The following SYN3 variants were observed in gnomAD, a reference collection of about 807,000 sequenced individuals.
The protein encoded by SYN3 is synapsin-3.
A neutral mutation model predicts 65.8 loss-of-function variants in SYN3; 35 were observed. The observed-to-expected ratio is 0.53, with a 90% CI of 0.41 to 0.70. The LOEUF (loss-of-function observed/expected upper bound fraction) is 0.70. Among genes scored for constraint, SYN3 ranks in the 30% least tolerant of loss-of-function variants. The pLI is 0.00. For synonymous variants in SYN3, 270 were observed against 292.9 expected (o/e 0.92, Z 0.80); for missense variants, 680 against 749.0 (o/e 0.91, Z 1.08).
intron 6 of SYN3, among the ~76,000 whole-genome samples, chr22:32,843,960 T>C (rs2047987954): frequency 6.6e-6 from 1 of 152,122 alleles, no homozygotes; most frequent in Non-Finnish European, 1.5e-5. Flanking sequence ...CGGTGGTATC[T>C]CACCTGCTAG....
At chr22:32,719,291 T>G (rs1450506544) in intron 6 of SYN3, among the ~76,000 whole-genome samples, 6 of 152,242 alleles carry the variant, frequency 3.9e-5, no homozygotes, top group Non-Finnish European at 1.5e-5. Flanking sequence ...CAGTTAGTAT[T>G]AAATATTATA....
intron 7 of SYN3, among the ~76,000 whole-genome samples, chr22:32,551,276 T>C (rs1164201358): frequency 2.6e-5 from 4 of 152,166 alleles, no homozygotes; most frequent in Non-Finnish European, 4.4e-5. Flanking sequence ...AGGACCACTC[T>C]TGACATCTCA....
rs1231243317 is a variant in SYN3, at chr22:32,509,638, G to A, written c.*4054C>T. ...GGCTGGAGTGCAGTGGTGCGATCTCGGCTCACTGCAAGCTCCGCCTCCCGG... is the reference window on the plus strand; with the variant it reads ...GGCTGGAGTGCAGTGGTGCGATCTCAGCTCACTGCAAGCTCCGCCTCCCGG... On this transcript the variant is annotated 3_prime_UTR_variant, in exon 14 of 14. Coordinates refer to ENST00000358763, the MANE Select transcript of SYN3 (RefSeq NM_003490.4). Among the ~76,000 whole-genome samples the A allele has an allele frequency of 2.0e-5, 3 of 151,850 alleles. No homozygotes were observed. The highest frequency in any genetic ancestry group is 2.4e-5 in the African/African-American group (1 of 41,344).
At chr22:32,542,667 G>A (rs917742374) in intron 7 of SYN3, among the ~76,000 whole-genome samples, 1 of 150,836 alleles carries the variant, frequency 6.6e-6, no homozygotes, top group Admixed American at 6.6e-5. Context: ...CGCGCACACA[G>A]GCACACACTG....
At chr22:32,784,842 A>G (rs2046152716) in intron 6 of SYN3, 1 of 152,112 alleles carries the variant, frequency 6.6e-6, no homozygotes, top group Non-Finnish European at 1.5e-5. Context: ...AATGTTGCTG[A>G]TTTTCTAATG....
chr22:32,524,749 G>T (rs2146114154), intron 12 of SYN3, among the ~76,000 whole-genome samples: 1 of 152,322 alleles, frequency 6.6e-6, no homozygotes, highest in Non-Finnish European at 1.5e-5. Context: ...AGTGGCTCAT[G>T]CCTGTAATCC....
At chr22:32,649,687 C>A (rs2060034055) in intron 6 of SYN3, among the ~76,000 whole-genome samples, 1 of 152,118 alleles carries the variant, frequency 6.6e-6, no homozygotes, top group South Asian at 2.1e-4. Flanking sequence ...CCACAAGAGC[C>A]AACATCATAA....
intron 7 of SYN3, among the ~76,000 whole-genome samples, chr22:32,573,182 G>C (rs1224736288): frequency 6.6e-6 from 1 of 152,144 alleles, no homozygotes; most frequent in African/African-American, 2.4e-5. Flanking sequence ...GACAGTTTAT[G>C]ACTGTTTTCA....
intron 6 of SYN3, among the ~76,000 whole-genome samples, chr22:32,677,108 A>G (rs2060456613): frequency 6.6e-6 from 1 of 152,206 alleles, no homozygotes; most frequent in African/African-American, 2.4e-5. Context: ...TGCTAGACTC[A>G]GGGGCTTCAG....
chr22:32,572,414 T>C (rs1264241570), intron 7 of SYN3, among the ~76,000 whole-genome samples: 19 of 3,348 alleles, frequency 5.7e-3, no homozygotes, highest in Non-Finnish European at 8.7e-3. Context: ...CTCCTGTCTT[T>C]CCTTCCTTCT....
intron 6 of SYN3, among the ~76,000 whole-genome samples, chr22:32,763,150 TGTTG>T (rs1569205329): frequency 6.6e-6 from 1 of 151,812 alleles, no homozygotes; most frequent in Non-Finnish European, 1.5e-5. Flanking sequence ...TTTTTGTTGT[TGTTG>T]TTTTTTTTTT....
At chr22:32,791,845 G>A (rs1421902918) in intron 6 of SYN3, among the ~76,000 whole-genome samples, 2 of 151,942 alleles carry the variant, frequency 1.3e-5, no homozygotes, top group East Asian at 3.9e-4. Context: ...TACCCAGTAG[G>A]CACTCTATAG....
chr22:32,594,004 G>C (rs2858724), intron 7 of SYN3, among the ~76,000 whole-genome samples: 1 of 152,118 alleles, frequency 6.6e-6, no homozygotes, highest in Non-Finnish European at 1.5e-5. Flanking sequence ...ATGATAGAGA[G>C]AGGTGGATTC....
At chr22:32,990,391 T>TCCATCCACCCATCCAG (rs1556093191) in intron 2 of SYN3, among the ~76,000 whole-genome samples, 258 of 128,542 alleles carry the variant, frequency 2.0e-3, no homozygotes, top group Middle Eastern at 3.6e-3. Context: ...CATCCACCCA[T>TCCATCCACCCATCCAG]CCATCCATCC....
intron 6 of SYN3, among the ~76,000 whole-genome samples, chr22:32,852,766 T>G (rs530647187): frequency 3.7e-4 from 57 of 152,006 alleles, no homozygotes; most frequent in Non-Finnish European, 6.3e-4. Flanking sequence ...AGCAGGGTGT[T>G]AGAATGTTGA....
At chr22:32,913,892 G>A (rs2050123418) in intron 4 of SYN3, among the ~76,000 whole-genome samples, 1 of 152,188 alleles carries the variant, frequency 6.6e-6, no homozygotes, top group African/African-American at 2.4e-5. Context: ...AACGGGAGAG[G>A]CAAAACAAGC....
chr22:32,796,743 G>A (rs539534987), intron 6 of SYN3, among the ~76,000 whole-genome samples: 1 of 152,200 alleles, frequency 6.6e-6, no homozygotes, highest in Admixed American at 6.5e-5. Flanking sequence ...AGGGGAAGAG[G>A]GAGGAAAGCA....
chr22:32,567,108 T>C (rs1486931177), intron 7 of SYN3, among the ~76,000 whole-genome samples: 2 of 152,056 alleles, frequency 1.3e-5, no homozygotes, highest in African/African-American at 2.4e-5. Context: ...CTGGGAAAGG[T>C]AACTGACTAG....
At chr22:32,647,506 G>A (rs1005589323) in intron 6 of SYN3, among the ~76,000 whole-genome samples, 1 of 151,778 alleles carries the variant, frequency 6.6e-6, no homozygotes, top group South Asian at 2.1e-4. Context: ...GAGTGCAGCG[G>A]TATGATCATG....
Sources: gnomAD v4.1 joint callset for allele counts (sites outside exome capture counted in the v4.1 genomes callset) on GRCh38, gnomAD v4.1.1 for gene constraint, MANE v1.5 for transcripts, NCBI Gene and HGNC (gene_info 2026-07-23, HGNC 2026-07-21) for gene names.